KAZN: variants seen among roughly 807,000 people sequenced by gnomAD.
The protein encoded by KAZN is kazrin, periplakin interacting protein.
KAZN carries 40 observed loss-of-function variants against 87.4 expected under a neutral mutation model. The observed-to-expected ratio is 0.46, with a 90% CI of 0.36 to 0.60. The LOEUF (loss-of-function observed/expected upper bound fraction) is 0.60. Among genes scored for constraint, KAZN ranks in the 20% least tolerant of loss-of-function variants. The probability of loss-of-function intolerance (pLI) is 0.00; values close to 1 mark genes in which losing one functional copy is unlikely to be tolerated. For synonymous variants in KAZN, 466 were observed against 458.3 expected (o/e 1.02, Z -0.22); for missense variants, 898 against 1,073.9 (o/e 0.84, Z 2.29).
intron 2 of KAZN, among the ~76,000 whole-genome samples, chr1:14,201,859 G>C (rs910296444): frequency 7.2e-5 from 11 of 152,116 alleles, no homozygotes; most frequent in Non-Finnish European, 1.3e-4. Context: ...GTAGAGACAG[G>C]GTTTCTCCAT....
intron 2 of KAZN, among the ~76,000 whole-genome samples, chr1:14,380,879 A>G (rs1342946179): frequency 1.3e-5 from 2 of 152,272 alleles, no homozygotes. Flanking sequence ...AGAAAGTTAT[A>G]GAATACCAAG....
At chr1:14,379,468 T>TA (rs1031762105) in intron 2 of KAZN, among the ~76,000 whole-genome samples, 3 of 152,060 alleles carry the variant, frequency 2.0e-5, no homozygotes, top group African/African-American at 7.2e-5. Flanking sequence ...CCTTGGCTCT[T>TA]AGACAACGTC....
chr1:15,031,414 G>A (rs924940403), intron 2 of KAZN, among the ~76,000 whole-genome samples: 13 of 152,334 alleles, frequency 8.5e-5, no homozygotes, highest in African/African-American at 2.4e-4. Context: ...GAGTGCTAGG[G>A]GTCTGGGCAA....
chr1:14,873,913 A>G (rs1250757912), intron 1 of KAZN, among the ~76,000 whole-genome samples: 1 of 152,226 alleles, frequency 6.6e-6, no homozygotes, highest in Non-Finnish European at 1.5e-5. Context: ...GGAGAAGTCC[A>G]GAATGATTCC....
At chr1:14,350,082 T>C (rs111952414) in intron 2 of KAZN, among the ~76,000 whole-genome samples, 8,601 of 142,762 alleles carry the variant, frequency 0.06, 443 homozygotes, top group East Asian at 0.2. Flanking sequence ...TGCAGTGAGC[T>C]GAGATCGCGC....
chr1:15,029,593 A>G (rs951145373), intron 2 of KAZN, among the ~76,000 whole-genome samples: 5 of 152,186 alleles, frequency 3.3e-5, no homozygotes, highest in African/African-American at 1.2e-4. Context: ...AAGAGGCTGC[A>G]CTGCACCCCC....
At chr1:14,870,963 G>T (rs566734834) in intron 1 of KAZN, among the ~76,000 whole-genome samples, 3 of 152,222 alleles carry the variant, frequency 2.0e-5, no homozygotes, top group African/African-American at 4.8e-5. Context: ...AACCCAGAAG[G>T]CTTGTCTGAT....
At chr1:14,574,554 C>A (rs191103388) in intron 2 of KAZN, among the ~76,000 whole-genome samples, 1 of 152,176 alleles carries the variant, frequency 6.6e-6, no homozygotes, top group Admixed American at 6.5e-5. Flanking sequence ...GTAAGACATG[C>A]CTTTCATCTT....
intron 2 of KAZN, among the ~76,000 whole-genome samples, chr1:14,526,450 T>G (rs1359294422): frequency 3.3e-5 from 5 of 152,200 alleles, no homozygotes; most frequent in Non-Finnish European, 7.3e-5. Context: ...CCCGGAGGTT[T>G]GAAATAAAAC....
Position 14,969,189 on chromosome 1 carries a change from G to A in KAZN, c.418+8314G>A, listed in dbSNP as rs113421845. ...AACGATGTGTCATCTGTGCTGGGGC[G>A]GCCATGCCCACTTGCTTTCTTAGAC... is the stretch of plus-strand genomic sequence containing the variant. On this transcript the variant is annotated intron_variant, in intron 2 of 14. Transcript: ENST00000376030. Among the ~76,000 whole-genome samples the A allele has an allele frequency of 9.7e-3, 1,479 of 152,332 alleles. 12 individuals are homozygous for A. The highest frequency in any genetic ancestry group is 0.023 in the African/African-American group (974 of 41,574).
intron 1 of KAZN, among the ~76,000 whole-genome samples, chr1:14,085,642 G>A (rs1047367896): frequency 2.0e-5 from 3 of 152,088 alleles, no homozygotes; most frequent in African/African-American, 7.2e-5. Flanking sequence ...CATTTTATGG[G>A]TATGCCACGA....
chr1:15,079,066 A>G (rs543714533), intron 8 of KAZN, among the ~76,000 whole-genome samples: 1 of 152,290 alleles, frequency 6.6e-6, no homozygotes, highest in East Asian at 1.9e-4. Flanking sequence ...GAATCATGCA[A>G]GATAGTCACA....
intron 1 of KAZN, among the ~76,000 whole-genome samples, chr1:14,607,783 G>A (rs377353630): frequency 3.3e-5 from 5 of 152,140 alleles, no homozygotes; most frequent in Admixed American, 1.3e-4. Context: ...GCTTCTTAGT[G>A]GGGTTATGGC....
intron 2 of KAZN, among the ~76,000 whole-genome samples, chr1:14,987,441 C>T (rs553358623): frequency 6.6e-6 from 1 of 152,160 alleles, no homozygotes; most frequent in East Asian, 1.9e-4. Context: ...TGGCAGTGAG[C>T]CGAGATTGTG....
intron 2 of KAZN, among the ~76,000 whole-genome samples, chr1:14,446,739 G>A (rs2148323596): frequency 6.6e-6 from 1 of 152,224 alleles, no homozygotes; most frequent in South Asian, 2.1e-4. Flanking sequence ...CTCCACAGTG[G>A]CAAGTCCAAG....
chr1:14,660,047 C>T (rs1390845747), intron 1 of KAZN, among the ~76,000 whole-genome samples: 2 of 152,114 alleles, frequency 1.3e-5, no homozygotes, highest in African/African-American at 4.8e-5. Context: ...CGGAATTAAA[C>T]CCAAGTCCCA....
chr1:14,576,963 T>C (rs765522853), intron 2 of KAZN, among the ~76,000 whole-genome samples: 3 of 152,228 alleles, frequency 2.0e-5, no homozygotes, highest in Non-Finnish European at 2.9e-5. Flanking sequence ...ATTAATTAAA[T>C]GCATTTTGAC....
At chr1:14,717,889 G>A (rs1288097155) in intron 1 of KAZN, among the ~76,000 whole-genome samples, 2 of 152,146 alleles carry the variant, frequency 1.3e-5, no homozygotes, top group African/African-American at 2.4e-5. Context: ...TGCTGCACCC[G>A]AAATCCAAGT....
chr1:15,046,870 C>A (rs573354278), intron 4 of KAZN, among the ~76,000 whole-genome samples: 3 of 152,352 alleles, frequency 2.0e-5, no homozygotes, highest in East Asian at 3.9e-4. Context: ...GAAAAGGCCC[C>A]TGTTCTCCCA....
Sources: allele counts gnomAD v4.1 joint callset (sites outside exome capture counted in the v4.1 genomes callset), GRCh38; gene constraint gnomAD v4.1.1; transcripts MANE v1.5; gene names NCBI Gene and HGNC (gene_info 2026-07-23, HGNC 2026-07-21).